The following MTUS1 variants were observed in gnomAD, a reference collection of about 807,000 sequenced individuals.
The protein encoded by MTUS1 is microtubule-associated tumor suppressor 1.
A neutral mutation model predicts 120.8 loss-of-function variants in MTUS1; 109 were observed. That is an observed-to-expected ratio of 0.90 (90% CI 0.77 to 1.06). The LOEUF (loss-of-function observed/expected upper bound fraction) is 1.06, where lower values mean the gene tolerates loss of function less well. MTUS1 is among the 50% of genes least tolerant of loss of function. The probability of loss-of-function intolerance (pLI) is 0.00; values close to 1 mark genes in which losing one functional copy is unlikely to be tolerated. For synonymous variants in MTUS1, 737 were observed against 550.5 expected, an observed-to-expected ratio of 1.34 and a Z score of -4.74; for missense variants, 2,210 against 1,486.3, an observed-to-expected ratio of 1.49 and a Z score of -8.01.
At chr8:17,731,914 G>C (rs1173656321) in intron 3 of MTUS1, among the ~76,000 whole-genome samples, 1 of 152,188 alleles carries the variant, frequency 6.6e-6, no homozygotes, top group East Asian at 1.9e-4. Flanking sequence ...AGTTTAAAAA[G>C]TCAAATACTT....
At chr8:17,682,558 T>G (rs111415020) in intron 7 of MTUS1, among the ~76,000 whole-genome samples, 53 of 145,450 alleles carry the variant, frequency 3.6e-4, no homozygotes, top group Non-Finnish European at 7.5e-4. Flanking sequence ...CATGATCTAG[T>G]GGAAGCTATC....
At chr8:17,718,160 T>C (rs1364674112) in intron 4 of MTUS1, among the ~76,000 whole-genome samples, 2 of 152,204 alleles carry the variant, frequency 1.3e-5, no homozygotes, top group East Asian at 3.8e-4. Context: ...TTGAAGGATG[T>C]ATACCACCAT....
chr8:17,777,200 G>A (rs2131495595), intron 1 of MTUS1, among the ~76,000 whole-genome samples: 1 of 152,240 alleles, frequency 6.6e-6, no homozygotes, highest in South Asian at 2.1e-4. Context: ...ACTTTGGGAG[G>A]TCAAGGTGGT....
intron 1 of MTUS1, among the ~76,000 whole-genome samples, chr8:17,769,135 C>A (rs1040386705): frequency 6.6e-6 from 1 of 151,438 alleles, no homozygotes; most frequent in East Asian, 1.9e-4. Context: ...GCAAAGCCTG[C>A]GGGAAGTATA....
intron 6 of MTUS1, 33 bp downstream of exon 6, chr8:17,713,181 C>A (rs745780472): frequency 5.8e-6 from 9 of 1,540,300 alleles, no homozygotes; most frequent in Admixed American, 1.8e-5. Flanking sequence ...CAAAAAGATT[C>A]TTTTTATCGC....
intron 7 of MTUS1, among the ~76,000 whole-genome samples, chr8:17,678,846 T>G (rs571350867): frequency 2.6e-5 from 4 of 151,818 alleles, no homozygotes; most frequent in Admixed American, 1.3e-4. Flanking sequence ...AGCCACCCAA[T>G]AGACCCTTTT....
chr8:17,706,023 C>T (rs1820090011), intron 6 of MTUS1: 1 of 152,050 alleles, frequency 6.6e-6, no homozygotes, highest in African/African-American at 2.4e-5. Context: ...AGCGTCATAA[C>T]GTTTAAATAA....
At position 17,702,154 on chromosome 8, in the gene MTUS1, G is replaced by A. The variant is rs189674810; in HGVS notation, c.2623+11060C>T. Among the ~76,000 whole-genome samples, 73 of 152,156 alleles carry A rather than the reference G, an allele frequency of 4.8e-4. 1 individual carries two copies. Among genetic ancestry groups the A allele is most frequent in the African/African-American group, 1.7e-3 (72 of 41,524 alleles). On this transcript the variant is annotated intron_variant, in intron 6 of 14. Coordinates refer to ENST00000693296, the MANE Select transcript of MTUS1 (RefSeq NM_001363059.2). Reference sequence around the variant, plus strand: ...ACCAATTCTGAAAAACAGAATTCCCGGGTGGAAGGTGTTTGCTCTCTGCTA... The same window carrying A: ...ACCAATTCTGAAAAACAGAATTCCCAGGTGGAAGGTGTTTGCTCTCTGCTA...
At chr8:17,712,301 G>A (rs1244004469) in intron 6 of MTUS1, among the ~76,000 whole-genome samples, 1 of 151,914 alleles carries the variant, frequency 6.6e-6, no homozygotes, top group Non-Finnish European at 1.5e-5. Flanking sequence ...TGTAGGCAGT[G>A]TACAGGAGAC....
intron 3 of MTUS1, among the ~76,000 whole-genome samples, chr8:17,741,810 T>C (rs1031497230): frequency 6.6e-6 from 1 of 152,188 alleles, no homozygotes; most frequent in African/African-American, 2.4e-5. Flanking sequence ...GAGCTCCAAA[T>C]TGTCCCTAGA....
At chr8:17,769,898 AC>A (rs1327919732) in intron 1 of MTUS1, among the ~76,000 whole-genome samples, 4 of 97,588 alleles carry the variant, frequency 4.1e-5, no homozygotes, top group Non-Finnish European at 5.9e-5. Context: ...ACACACACAC[AC>A]ACACACACAC....
rs1419727214 is a variant in MTUS1 at position 17,754,830 on chromosome 8, GCT to G, written c.976_977del (p.Ser326LeufsTer21). ...GGCCCATTTCCTTGTGCCTGTATGA[GCT>G]CTGTGAATGTGGTTCGCTATTGGAT... is the stretch of plus-strand genomic sequence containing the variant. ...DESNSEPHSQSSYRHKEMGQN... is the reference protein window; with the variant it reads ...DESNSEPHSQXSYRHKEMGQN... On this transcript the variant is annotated frameshift_variant, in exon 2 of 15. Coordinates refer to ENST00000693296, the MANE Select transcript of MTUS1 (RefSeq NM_001363059.2). LOFTEE classifies it high-confidence loss of function. 3.1e-6 allele frequency: 5 copies of G among 1,614,094 alleles called. No individual in the cohort carries two copies. The African/African-American group carries it at 6.7e-5, about 22-fold the overall frequency.
At chr8:17,714,911 T>C (rs1034852269) in intron 5 of MTUS1, among the ~76,000 whole-genome samples, 172 of 135,906 alleles carry the variant, frequency 1.3e-3, no homozygotes, top group Middle Eastern at 3.6e-3. Flanking sequence ...TTTTTTTTTT[T>C]TTTTTTTTTT....
intron 3 of MTUS1, among the ~76,000 whole-genome samples, chr8:17,740,405 A>C (rs1028500996): frequency 6.6e-6 from 1 of 152,216 alleles, no homozygotes; most frequent in African/African-American, 2.4e-5. Flanking sequence ...CTTTCAGCAG[A>C]GTAACTGTGA....
At chr8:17,744,350 C>A (rs1052288595) in intron 2 of MTUS1, among the ~76,000 whole-genome samples, 5 of 152,140 alleles carry the variant, frequency 3.3e-5, no homozygotes, top group Admixed American at 1.3e-4. Flanking sequence ...TAATAAGAAC[C>A]TTGGTCTCCA....
At chr8:17,713,982 G>C (rs1821835087) in intron 5 of MTUS1, among the ~76,000 whole-genome samples, 1 of 152,130 alleles carries the variant, frequency 6.6e-6, no homozygotes, top group Non-Finnish European at 1.5e-5. Context: ...TTAGAATTCT[G>C]AGTCTCCTGT....
At chr8:17,742,686 C>G (rs565230501) in intron 3 of MTUS1, among the ~76,000 whole-genome samples, 4 of 152,112 alleles carry the variant, frequency 2.6e-5, no homozygotes, top group Non-Finnish European at 5.9e-5. Context: ...TAAAACATTT[C>G]TAAGCATTAC....
At chr8:17,721,281 C>G (rs6981770) in intron 4 of MTUS1, among the ~76,000 whole-genome samples, 2 of 152,016 alleles carry the variant, frequency 1.3e-5, no homozygotes, top group African/African-American at 2.4e-5. Context: ...TTTGAGGTAG[C>G]CTTTAAAAGT....
intron 1 of MTUS1, among the ~76,000 whole-genome samples, chr8:17,764,578 C>A (rs1045796718): frequency 1.3e-5 from 2 of 152,174 alleles, no homozygotes; most frequent in African/African-American, 4.8e-5. Context: ...TTAATCTAGT[C>A]CAAGGGCTGG....
Sources: gnomAD v4.1 joint callset for allele counts (sites outside exome capture counted in the v4.1 genomes callset) on GRCh38, gnomAD v4.1.1 for gene constraint, MANE v1.5 for transcripts, NCBI Gene and HGNC (gene_info 2026-07-23, HGNC 2026-07-21) for gene names.